PLCL2: variants seen among roughly 807,000 people sequenced by gnomAD.
PLCL2 encodes phospholipase C like 2, also known as inactive phospholipase C-like protein 2.
PLCL2 carries 4 observed loss-of-function variants against 79.6 expected under a neutral mutation model. That is an observed-to-expected ratio of 0.05 (90% CI 0.02 to 0.11). The LOEUF (loss-of-function observed/expected upper bound fraction) is 0.11, where lower values mean the gene tolerates loss of function less well. Ranked by LOEUF, PLCL2 falls within the 10% of genes least tolerant of loss-of-function variation. The pLI, the probability that PLCL2 is intolerant of heterozygous loss-of-function variation, is 1.00. For synonymous variants in PLCL2, 484 were observed against 457.7 expected (o/e 1.06, Z -0.73); for missense variants, 895 against 1,291.0 (o/e 0.69, Z 4.70).
chr3:16,941,868 TA>T (rs377402350), intron 1 of PLCL2, among the ~76,000 whole-genome samples: 1,900 of 141,528 alleles, frequency 0.013, 31 homozygotes, highest in Admixed American at 0.049. Context: ...AAGGGCACAG[TA>T]AAAAAAAAAA....
At chr3:17,013,664 C>T (rs2064353247) in intron 2 of PLCL2, among the ~76,000 whole-genome samples, 1 of 152,186 alleles carries the variant, frequency 6.6e-6, no homozygotes, top group South Asian at 2.1e-4. Flanking sequence ...TTCCCAAGAA[C>T]CTGCATTATT....
chr3:16,901,248 T>C (rs1227220697), intron 1 of PLCL2, among the ~76,000 whole-genome samples: 1 of 152,216 alleles, frequency 6.6e-6, no homozygotes, highest in Non-Finnish European at 1.5e-5. Flanking sequence ...TTTCAAGAGT[T>C]ACATGGAAGG....
Position 17,009,088 on chromosome 3 carries a change from G to A in PLCL2, c.328-586G>A, listed in dbSNP as rs191067217. Among the ~76,000 whole-genome samples the A allele has an allele frequency of 9.7e-4, 148 of 151,894 alleles. 1 individual carries two copies. The highest frequency in any genetic ancestry group is 3.4e-3 in the Middle Eastern group (1 of 292). The stretch of plus-strand genomic sequence containing the variant: ...CAACCTTTGCCTCACGGATTCAAAC[G>A]ATTCTCCTGCCTCAGCCTCCCGAGT... On this transcript the variant is annotated intron_variant, in intron 1 of 5. Transcript: ENST00000615277. The surrounding 1 kb of genome is among the most constrained non-coding windows in gnomAD (Gnocchi z 4.0).
intron 1 of PLCL2, among the ~76,000 whole-genome samples, chr3:16,945,949 A>G (rs1381997980): frequency 6.6e-6 from 1 of 152,124 alleles, no homozygotes; most frequent in Non-Finnish European, 1.5e-5. Context: ...CATACGTTTC[A>G]CTACTTTTCT....
In PLCL2 at chr3:16,975,737, A is replaced by T. The variant is rs919392506; in HGVS notation, c.328-33937A>T. On this transcript the variant is annotated intron_variant, in intron 1 of 5. Transcript: ENST00000615277. ...AAGACTAGTTGGACAGAAGTCCAGG[A>T]TGATTGCATTGGGAAAAGGAAGTCG... Among the ~76,000 whole-genome samples, 6 of 152,256 alleles carry T rather than the reference A, an allele frequency of 3.9e-5. No homozygotes were observed. In the South Asian group the frequency reaches 1.2e-3, roughly 32 times the overall value.
intron 1 of PLCL2, among the ~76,000 whole-genome samples, chr3:16,995,294 G>A (rs1202721444): frequency 1.3e-5 from 2 of 152,254 alleles, no homozygotes; most frequent in Admixed American, 1.3e-4. Context: ...AAACAAAAGA[G>A]ACTTCTTCCG....
In PLCL2 at chr3:17,012,064, A is replaced by G. The variant is rs199919948; in HGVS notation, c.2718A>G (p.Ala906=). ...AAGGGAAGAAATCCAGGGAATATGC[A>G]TCTTTGAGAACACTGTGGATTAAAA... ...VRKGKKSREY[A]SLRTLWIKTV... is the part of the protein sequence containing the mutation. Residue 906 remains alanine (A), a synonymous_variant, in exon 2 of 6, where the codon GCA becomes GCG. Coordinates refer to ENST00000615277, the MANE Select transcript of PLCL2 (RefSeq NM_001144382.2). The G allele has an allele frequency of 2.7e-5, 44 of 1,614,186 alleles. No homozygotes were observed. In the Middle Eastern group the frequency reaches 6.6e-4, roughly 24 times the overall value.
chr3:17,001,670 T>C (rs976566328), intron 1 of PLCL2, among the ~76,000 whole-genome samples: 3 of 152,148 alleles, frequency 2.0e-5, no homozygotes, highest in Non-Finnish European at 4.4e-5. Context: ...TGTAAATGCA[T>C]TGATTTATTT....
intron 1 of PLCL2, among the ~76,000 whole-genome samples, chr3:16,890,707 G>A (rs1696326321): frequency 6.6e-6 from 1 of 152,144 alleles, no homozygotes; most frequent in African/African-American, 2.4e-5. Flanking sequence ...TGGACCACAG[G>A]ATCTGCGACT....
chr3:17,074,400 TC>T (rs1421771367), intron 5 of PLCL2, among the ~76,000 whole-genome samples: 1 of 152,210 alleles, frequency 6.6e-6, no homozygotes, highest in African/African-American at 2.4e-5. Context: ...GCTTTATTGA[TC>T]CATTTATAGA....
chr3:16,984,757 C>G (rs1056391075), intron 1 of PLCL2, among the ~76,000 whole-genome samples: 1 of 151,978 alleles, frequency 6.6e-6, no homozygotes, highest in East Asian at 1.9e-4. Context: ...ATGGTGAAAC[C>G]CTGTCTCTAC....
intron 1 of PLCL2, among the ~76,000 whole-genome samples, chr3:16,899,825 TC>T (rs1258756646): frequency 6.7e-6 from 1 of 150,024 alleles, no homozygotes; most frequent in Non-Finnish European, 1.5e-5. Context: ...CATTAAAATA[TC>T]CCCCCCGCCG....
intron 1 of PLCL2, among the ~76,000 whole-genome samples, chr3:16,993,681 A>G (rs954822352): frequency 6.6e-6 from 1 of 152,212 alleles, no homozygotes; most frequent in African/African-American, 2.4e-5. Flanking sequence ...GTATAATTAG[A>G]TGTGGCATTT....
At chr3:16,979,701 G>C (rs1318654177) in intron 1 of PLCL2, among the ~76,000 whole-genome samples, 1 of 146,232 alleles carries the variant, frequency 6.8e-6, no homozygotes, top group South Asian at 2.3e-4. Flanking sequence ...ATTTTTCTTA[G>C]TACAGAACAA....
chr3:17,037,808 C>G (rs2124915970), intron 3 of PLCL2, among the ~76,000 whole-genome samples: 1 of 152,174 alleles, frequency 6.6e-6, no homozygotes, highest in African/African-American at 2.4e-5. Flanking sequence ...ACATAGGGTC[C>G]TTATATAAAA....
rs781358724 is a variant in PLCL2 at position 17,042,858 on chromosome 3, G to C, written c.3019-16G>C. ...GTTGTCAGGTGTAATCTCATGTCTG[G>C]ATGTTCCCTTTGCAGATGATTCAGT... On this transcript the variant is annotated splice_polypyrimidine_tract_variant and intron_variant, in intron 3 of 5. Transcript: ENST00000615277. 6.3e-7 allele frequency: 1 copy of C among 1,587,652 alleles called. No individual in the cohort carries two copies. The highest frequency in any genetic ancestry group is 1.7e-5 in the Admixed American group (1 of 59,950).
intron 1 of PLCL2, among the ~76,000 whole-genome samples, chr3:16,953,489 T>G (rs981585926): frequency 6.6e-6 from 1 of 152,154 alleles, no homozygotes; most frequent in Non-Finnish European, 1.5e-5. Context: ...GTAAAATAGA[T>G]AGGATCACTG....
intron 1 of PLCL2, among the ~76,000 whole-genome samples, chr3:16,978,938 T>C (rs1260764876): frequency 6.6e-6 from 1 of 152,236 alleles, no homozygotes; most frequent in Admixed American, 6.5e-5. Flanking sequence ...GATACGGAGA[T>C]ACTTGCCCAA....
chr3:17,004,777 G>T (rs931806673), intron 1 of PLCL2, among the ~76,000 whole-genome samples: 52 of 152,034 alleles, frequency 3.4e-4, no homozygotes, highest in African/African-American at 1.2e-3. Context: ...TCTTTCTTGG[G>T]TTTTTTTGTT....
Sources: allele counts gnomAD v4.1 joint callset (sites outside exome capture counted in the v4.1 genomes callset), GRCh38; gene constraint gnomAD v4.1.1; non-coding constraint Gnocchi (gnomAD v3.1); transcripts MANE v1.5; gene names NCBI Gene and HGNC (gene_info 2026-07-23, HGNC 2026-07-21).